Variants in KRIT1 observed in about 807,000 individuals in gnomAD.
KRIT1 encodes KRIT1 ankyrin repeat containing, also known as krev interaction trapped protein 1.
KRIT1 carries 45 observed loss-of-function variants against 95.8 expected under a neutral mutation model. That is an observed-to-expected ratio of 0.47 (90% CI 0.37 to 0.60). The LOEUF (loss-of-function observed/expected upper bound fraction) is 0.60. Among genes scored for constraint, KRIT1 ranks in the 20% least tolerant of loss-of-function variants. The probability of loss-of-function intolerance (pLI) is 0.00; values close to 1 mark genes in which losing one functional copy is unlikely to be tolerated. For missense variants in KRIT1, 788 were observed against 877.5 expected (o/e 0.90, Z 1.29); for synonymous variants, 282 against 278.8 (o/e 1.01, Z -0.11).
At chr7:92,211,949 A>AC (rs1363773106) in intron 17 of KRIT1, among the ~76,000 whole-genome samples, 11 of 148,394 alleles carry the variant, frequency 7.4e-5, no homozygotes, top group Non-Finnish European at 1.6e-4. Flanking sequence ...AAAAACAACA[A>AC]AAAAAAAAAG....
intron 14 of KRIT1, among the ~76,000 whole-genome samples, chr7:92,221,676 TTAGGA>T (rs1301284003): frequency 6.6e-6 from 1 of 152,208 alleles, no homozygotes; most frequent in Non-Finnish European, 1.5e-5. Flanking sequence ...CTAATTTTCT[TTAGGA>T]TAGCTCCCTA....
chr7:92,206,952 AAAAG>A (rs1478484127), intron 17 of KRIT1: 9 of 151,590 alleles, frequency 5.9e-5, no homozygotes, highest in Non-Finnish European at 1.2e-4. Flanking sequence ...AAAAAAAAAA[AAAAG>A]AAAGAAATCA....
chr7:92,224,832 G>A (rs558763127), intron 12 of KRIT1, among the ~76,000 whole-genome samples: 2 of 152,172 alleles, frequency 1.3e-5, no homozygotes, highest in South Asian at 4.1e-4. Flanking sequence ...AGAGACCTAA[G>A]TATAGGGATA....
chr7:92,235,557 T>C lies in KRIT1; in HGVS notation c.575A>G (p.Asn192Ser). Residue 192 changes from asparagine to serine, a missense_variant, in exon 8 of 19, where the codon AAT (asparagine) becomes AGT (serine). Asn to Ser is a conservative substitution (Grantham distance 46). Transcript: ENST00000394505. ...PLERIKTNVI[N>S]PAYATESGQT... ...ACCTGATTCAGTAGCATATGCAGGA[T>C]TTATGACATTAGTTTTTATCCGCTC... The C allele has an allele frequency of 6.2e-7, 1 of 1,614,000 alleles. No homozygotes were observed. Among genetic ancestry groups the C allele is most frequent in the Non-Finnish European group, 8.5e-7 (1 of 1,179,936 alleles).
At chr7:92,219,249 G>A (rs932985045) in intron 14 of KRIT1, among the ~76,000 whole-genome samples, 2 of 152,098 alleles carry the variant, frequency 1.3e-5, no homozygotes, top group African/African-American at 4.8e-5. Flanking sequence ...TGATCCACCC[G>A]CCTCAGCCTC....
chr7:92,225,399 C>T (rs1277147412), intron 12 of KRIT1, among the ~76,000 whole-genome samples: 2 of 152,068 alleles, frequency 1.3e-5, no homozygotes, highest in East Asian at 1.9e-4. Context: ...CCTCCACCTC[C>T]TGGGTTCAAG....
At chr7:92,220,051 C>T (rs564646631) in intron 14 of KRIT1, among the ~76,000 whole-genome samples, 33 of 152,226 alleles carry the variant, frequency 2.2e-4, no homozygotes, top group African/African-American at 7.5e-4. Flanking sequence ...CGTCATTTGC[C>T]AAAAACTAAG....
intron 14 of KRIT1, among the ~76,000 whole-genome samples, chr7:92,215,761 CTT>C (rs79274180): frequency 2.8e-5 from 4 of 141,018 alleles, no homozygotes; most frequent in African/African-American, 7.8e-5. Flanking sequence ...TGGCCTAGAT[CTT>C]TTTTTTTTTT....
intron 14 of KRIT1, among the ~76,000 whole-genome samples, chr7:92,221,034 C>T (rs1317594947): frequency 6.6e-6 from 1 of 151,868 alleles, no homozygotes; most frequent in African/African-American, 2.4e-5. Context: ...TCTCTAAAAT[C>T]CACAGTAGTT....
chr7:92,212,135 T>G (rs1257381000), intron 17 of KRIT1, among the ~76,000 whole-genome samples: 1 of 152,028 alleles, frequency 6.6e-6, no homozygotes, highest in African/African-American at 2.4e-5. Flanking sequence ...AAAAAATGTT[T>G]AAATGTGAAA....
At chr7:92,227,490 A>C (rs1767539570) in intron 10 of KRIT1, among the ~76,000 whole-genome samples, 1 of 152,128 alleles carries the variant, frequency 6.6e-6, no homozygotes, top group South Asian at 2.1e-4. Context: ...ATATGATTTC[A>C]GTCTAGATGG....
At chr7:92,211,613 A>G (rs1015882002) in intron 17 of KRIT1, among the ~76,000 whole-genome samples, 13 of 152,322 alleles carry the variant, frequency 8.5e-5, no homozygotes, top group African/African-American at 3.1e-4. Flanking sequence ...TAGGGTGACT[A>G]TAGTTAATAA....
chr7:92,236,372 T>C (rs1288978727), intron 7 of KRIT1, 41 bp downstream of exon 7: 1 of 1,351,302 alleles, frequency 7.4e-7, no homozygotes, highest in Non-Finnish European at 1.1e-6. Context: ...TATAAACATG[T>C]ATTTGATTAA....
In KRIT1 at chr7:92,225,519, T is replaced by A. The variant is rs531943862; in HGVS notation, c.1254+201A>T. 1.1e-4 allele frequency among the ~76,000 whole-genome samples: 17 copies of A among 152,210 alleles called. 1 individual carries two copies. The South Asian group carries it at 3.5e-3, about 32-fold the overall frequency. Reference sequence around the variant, plus strand: ...GATGGGGTTTCACCATGTCTGGATCTCTTGACCTTGTGATCTGCCTGCCTC... The same window carrying A: ...GATGGGGTTTCACCATGTCTGGATCACTTGACCTTGTGATCTGCCTGCCTC... On this transcript the variant is annotated intron_variant, in intron 12 of 18. Transcript: ENST00000394505.
intron 12 of KRIT1, 106 bp downstream of exon 12, chr7:92,225,614 T>C: frequency 2.7e-6 from 2 of 738,186 alleles, no homozygotes; most frequent in South Asian, 2.9e-5. Flanking sequence ...TTTATAGCAG[T>C]AAAGAAGCCA....
At chr7:92,199,334 G>A (rs1011330218), downstream of KRIT1, 1 of 152,158 alleles carries the variant, frequency 6.6e-6, no homozygotes, top group African/African-American at 2.4e-5. Context: ...AAAATAAGCA[G>A]AAGTTAATGT....
In KRIT1 at chr7:92,211,342, A is replaced by T. The variant is rs148579315; in HGVS notation, c.2025+1853T>A. The stretch of plus-strand genomic sequence containing the variant: ...GCACAATGAAATATTATTCAGCCAT[A>T]AAAAAGAATGAAATCTTGCATTCGC... On this transcript the variant is annotated intron_variant, in intron 17 of 18. Coordinates refer to ENST00000394505, the MANE Select transcript of KRIT1 (RefSeq NM_194454.3). Among the ~76,000 whole-genome samples the T allele has an allele frequency of 7.0e-4, 106 of 152,350 alleles. No homozygotes were observed. The East Asian group carries it at 9.4e-3, about 14-fold the overall frequency.
intron 17 of KRIT1, chr7:92,206,421 T>TA (rs1480936721): frequency 1.7e-4 from 26 of 152,490 alleles, no homozygotes; most frequent in African/African-American, 6.0e-4. Context: ...ACTACAGCCT[T>TA]CATTAACAAC....
chr7:92,219,608 T>G (rs1794713335), intron 14 of KRIT1, among the ~76,000 whole-genome samples: 2 of 152,222 alleles, frequency 1.3e-5, no homozygotes, highest in South Asian at 4.1e-4. Flanking sequence ...TTAAGATTGC[T>G]TTGGCTATTT....
Sources: allele counts gnomAD v4.1 joint callset (sites outside exome capture counted in the v4.1 genomes callset), GRCh38; gene constraint gnomAD v4.1.1; transcripts MANE v1.5; gene names NCBI Gene and HGNC (gene_info 2026-07-23, HGNC 2026-07-21).